The following F5 variants were observed in gnomAD, a reference collection of about 807,000 sequenced individuals.
The protein encoded by F5 is activated protein c cofactor.
F5 carries 138 observed loss-of-function variants against 216.4 expected under a neutral mutation model. That is an observed-to-expected ratio of 0.64 (90% CI 0.56 to 0.73). The LOEUF (loss-of-function observed/expected upper bound fraction) is 0.73, where lower values mean the gene tolerates loss of function less well. Ranked by LOEUF, F5 falls within the 30% of genes least tolerant of loss-of-function variation. The pLI is 0.00. For synonymous variants in F5, 916 were observed against 930.7 expected, an observed-to-expected ratio of 0.98 and a Z score of 0.29; for missense variants, 2,403 against 2,674.0, an observed-to-expected ratio of 0.90 and a Z score of 2.24.
intron 14 of F5, among the ~76,000 whole-genome samples, chr1:169,532,419 G>A (rs1274571529): frequency 6.6e-6 from 1 of 152,082 alleles, no homozygotes; most frequent in Non-Finnish European, 1.5e-5. Context: ...CTCTTCATTG[G>A]CAATATGATT....
In F5 at chr1:169,530,959, T is replaced by C; in HGVS notation, c.5035A>G (p.Lys1679Glu). 6.2e-7 allele frequency: 1 copy of C among 1,613,902 alleles called. No homozygotes were observed. ...TCATAAGTCTTTCCCTCTGATGATT[T>C]TTCATAGGAAAGTCCATGGGCATGT... ...SLHAHGLSYE[K>E]SSEGKTYEDD... Residue 1679 changes from lysine (K) to glutamate (E), a missense_variant, in exon 15 of 25, where the codon AAA becomes GAA. Physicochemically the swap from Lys to Glu is moderately conservative, Grantham distance 56. This residue lies in a region of F5 where 659 missense variants were observed against 787.9 expected (regional missense o/e 0.84). Transcript: ENST00000367797.
chr1:169,576,795 C>A lies in F5; in HGVS notation c.251-4452G>T, dbSNP rs1357021113. On this transcript the variant is annotated intron_variant, in intron 2 of 24. Coordinates refer to ENST00000367797, the MANE Select transcript of F5 (RefSeq NM_000130.5). ...TGACTATGCTGCCAATTGTGTGCCG[C>A]ATTTAGTTGCCATGGTTCTCTTGCT... Among the ~76,000 whole-genome samples the A allele has an allele frequency of 4.6e-5, 7 of 152,266 alleles. No homozygotes were observed. In the East Asian group the frequency reaches 1.4e-3, roughly 29 times the overall value.
chr1:169,583,997 C>A (rs981981795), intron 1 of F5, among the ~76,000 whole-genome samples: 3 of 152,178 alleles, frequency 2.0e-5, no homozygotes, highest in Non-Finnish European at 4.4e-5. Context: ...ATTCTTCTAA[C>A]TTAAGAATTC....
At chr1:169,568,723 T>A (rs930525279) in intron 3 of F5, among the ~76,000 whole-genome samples, 2 of 152,104 alleles carry the variant, frequency 1.3e-5, no homozygotes, top group Non-Finnish European at 2.9e-5. Flanking sequence ...AGCTTTGTAT[T>A]GTATTTATTC....
At position 169,540,458 on chromosome 1, in the gene F5, C is replaced by A. The variant is rs780992775; in HGVS notation, c.4632G>T (p.Val1544=). The A allele has an allele frequency of 3.1e-6, 5 of 1,613,984 alleles. No homozygotes were observed. In the East Asian group the frequency reaches 1.1e-4, roughly 36 times the overall value. Residue 1544 remains valine (V), a synonymous_variant, in exon 13 of 25, where the codon GTG becomes GTT. Transcript: ENST00000367797. ...CAGTTTTGTAGGGGTCATCATAGGG[C>A]ACATAATCAATTTCAGCATAGTCAT... ...SEDDYAEIDY[V]PYDDPYKTDV...
chr1:169,533,189 C>G (rs978485568), intron 14 of F5, among the ~76,000 whole-genome samples: 6 of 152,184 alleles, frequency 3.9e-5, no homozygotes, highest in Middle Eastern at 3.4e-3. Flanking sequence ...GCCGGCTACC[C>G]ATATGTGGAA....
chr1:169,582,597 C>G (rs1433652497), intron 1 of F5, 75 bp from the exon 2 acceptor site: 5 of 764,016 alleles, frequency 6.5e-6, no homozygotes, highest in Admixed American at 2.4e-5. Flanking sequence ...AAAAGTAGAT[C>G]TCTCATATCT....
rs138090477 is a variant in F5, at chr1:169,562,751, C to T, written c.374-1985G>A. On this transcript the variant is annotated intron_variant, in intron 3 of 24. Coordinates refer to ENST00000367797, the MANE Select transcript of F5 (RefSeq NM_000130.5). ...TGCAATAATATATTTCCATTTCTTCCCTCCCAGCCTTTGTGCTATTGTCAT... is the reference window on the plus strand; with the variant it reads ...TGCAATAATATATTTCCATTTCTTCTCTCCCAGCCTTTGTGCTATTGTCAT... Among the ~76,000 whole-genome samples, 3 of 151,968 alleles carry T rather than the reference C, an allele frequency of 2.0e-5. No homozygotes were observed. The East Asian group carries it at 5.8e-4, about 29-fold the overall frequency.
At chr1:169,578,378 T>G (rs1371043634) in intron 2 of F5, among the ~76,000 whole-genome samples, 3 of 152,216 alleles carry the variant, frequency 2.0e-5, no homozygotes, top group Non-Finnish European at 4.4e-5. Context: ...ACTAAAAAAT[T>G]TAATCATCTG....
intron 14 of F5, among the ~76,000 whole-genome samples, chr1:169,532,613 A>C (rs1381749991): frequency 2.1e-5 from 3 of 143,578 alleles, no homozygotes; most frequent in Admixed American, 7.5e-5. Context: ...TCAAGAACGA[A>C]ATCCCATTAA....
intron 11 of F5, among the ~76,000 whole-genome samples, chr1:169,546,064 G>A (rs545424281): frequency 5.3e-4 from 80 of 152,014 alleles, no homozygotes; most frequent in African/African-American, 1.8e-3. Flanking sequence ...CCTTCTTTCT[G>A]TCCTAGCCAT....
chr1:169,576,380 C>T (rs1660850765), intron 2 of F5, among the ~76,000 whole-genome samples: 1 of 152,190 alleles, frequency 6.6e-6, no homozygotes, highest in Non-Finnish European at 1.5e-5. Context: ...GTGCCTGAAG[C>T]TTTTTGTTTG....
intron 14 of F5, among the ~76,000 whole-genome samples, chr1:169,534,299 G>A (rs1422347004): frequency 6.6e-6 from 1 of 152,150 alleles, no homozygotes; most frequent in Non-Finnish European, 1.5e-5. Context: ...GGTGTCTGAG[G>A]GGTTTTTGTC....
chr1:169,561,386 C>A (rs1368239072), intron 3 of F5, among the ~76,000 whole-genome samples: 1 of 152,012 alleles, frequency 6.6e-6, no homozygotes, highest in Non-Finnish European at 1.5e-5. Context: ...TTACTTTGTA[C>A]TTTGTGCACC....
chr1:169,560,307 A>T (rs776379807), intron 4 of F5, among the ~76,000 whole-genome samples: 1 of 152,176 alleles, frequency 6.6e-6, no homozygotes, highest in Non-Finnish European at 1.5e-5. Context: ...ATACTCTCAA[A>T]CAGGAATTTG....
Position 169,556,961 on chromosome 1 carries a change from G to C in F5, c.731-94C>G. 5 of 1,088,592 alleles carry C rather than the reference G, an allele frequency of 4.6e-6. No homozygotes were observed. In the South Asian group the frequency reaches 5.3e-5, roughly 11 times the overall value. 67.4% of individuals were successfully genotyped at this position (1,088,592 alleles called of 1,614,324 possible). A position where few individuals can be genotyped will look rare whatever the true frequency, so the allele number is the denominator to read the frequency against. ...TCACCAAGTGTATTGAGCACCTGCT[G>C]TGTGTCAGGCATTGTATAAAGCTTT... On this transcript the variant is annotated intron_variant, in intron 5 of 24. Coordinates refer to ENST00000367797, the MANE Select transcript of F5 (RefSeq NM_000130.5).
intron 18 of F5, among the ~76,000 whole-genome samples, chr1:169,525,423 T>C (rs1324479388): frequency 6.6e-6 from 1 of 152,210 alleles, no homozygotes; most frequent in Non-Finnish European, 1.5e-5. Context: ...TATTTATATC[T>C]TGATCAAGGA....
At chr1:169,554,801 T>A (rs192406098) in intron 7 of F5, among the ~76,000 whole-genome samples, 17 of 152,356 alleles carry the variant, frequency 1.1e-4, no homozygotes, top group Admixed American at 1.1e-3. Flanking sequence ...TGAATTTGAG[T>A]AACTTTTCAA....
At chr1:169,523,165 C>T (rs760398773) in intron 21 of F5, 32 bp downstream of exon 21, 1 of 1,612,694 alleles carries the variant, frequency 6.2e-7, no homozygotes, top group Non-Finnish European at 8.5e-7. Context: ...AGTCTAGAGT[C>T]TAGAGATTCA....
Sources: allele counts gnomAD v4.1 joint callset (sites outside exome capture counted in the v4.1 genomes callset), GRCh38; gene constraint gnomAD v4.1.1; regional missense constraint gnomAD v4.1.1; transcripts MANE v1.5; gene names NCBI Gene and HGNC (gene_info 2026-07-23, HGNC 2026-07-21).